RBMS3: variants seen among roughly 807,000 people sequenced by gnomAD.
The protein encoded by RBMS3 is RNA-binding motif, single-stranded-interacting protein 3.
RBMS3 carries 27 observed loss-of-function variants against 66.8 expected under a neutral mutation model. That is an observed-to-expected ratio of 0.40 (90% CI 0.30 to 0.56). RBMS3 has a LOEUF of 0.56. RBMS3 is among the 20% of genes least tolerant of loss of function. The probability of loss-of-function intolerance (pLI) is 0.40; values close to 1 mark genes in which losing one functional copy is unlikely to be tolerated. For synonymous variants in RBMS3, 188 were observed against 183.0 expected (o/e 1.03, Z -0.22); for missense variants, 513 against 549.5 (o/e 0.93, Z 0.66).
intron 1 of RBMS3, among the ~76,000 whole-genome samples, chr3:29,352,063 C>A (rs2036946670): frequency 6.6e-6 from 1 of 152,036 alleles, no homozygotes; most frequent in Admixed American, 6.6e-5. Flanking sequence ...GGTTATATTT[C>A]TGAATTCTTC....
chr3:29,911,807 A>G (rs2060521780), intron 10 of RBMS3, among the ~76,000 whole-genome samples: 2 of 152,056 alleles, frequency 1.3e-5, no homozygotes, highest in Non-Finnish European at 2.9e-5. Context: ...TCTTTTTTCT[A>G]TGTGATGAAA....
chr3:29,741,386 A>G (rs558547216), intron 5 of RBMS3, among the ~76,000 whole-genome samples: 46 of 152,332 alleles, frequency 3.0e-4, no homozygotes, highest in African/African-American at 1.1e-3. Flanking sequence ...CTCTGAATTT[A>G]GCCAATGCAG....
intron 2 of RBMS3, among the ~76,000 whole-genome samples, chr3:29,468,726 GT>G (rs555645212): frequency 6.7e-6 from 1 of 149,822 alleles, no homozygotes; most frequent in African/African-American, 2.5e-5. Flanking sequence ...TTTTCTTTTT[GT>G]TTTTTTTACT....
intron 4 of RBMS3, among the ~76,000 whole-genome samples, chr3:29,652,785 G>A (rs894867723): frequency 2.0e-5 from 3 of 152,092 alleles, no homozygotes; most frequent in African/African-American, 7.2e-5. Flanking sequence ...CAAGCCACAT[G>A]CTCTTTTGTG....
At chr3:29,842,698 A>C (rs2149506168) in intron 6 of RBMS3, among the ~76,000 whole-genome samples, 1 of 152,288 alleles carries the variant, frequency 6.6e-6, no homozygotes, top group East Asian at 1.9e-4. Context: ...AGATGGGAAG[A>C]TTACCCTGAT....
At chr3:29,340,189 A>C (rs2036203129) in intron 1 of RBMS3, among the ~76,000 whole-genome samples, 1 of 152,130 alleles carries the variant, frequency 6.6e-6, no homozygotes, top group African/African-American at 2.4e-5. Flanking sequence ...CAAAATGATA[A>C]TATGAGGCTT....
At chr3:29,968,256 C>G (rs754366540) in intron 12 of RBMS3, among the ~76,000 whole-genome samples, 27 of 152,246 alleles carry the variant, frequency 1.8e-4, no homozygotes, top group Non-Finnish European at 3.5e-4. Context: ...AAAACTTGCC[C>G]GAGGCTTTCT....
intron 3 of RBMS3, among the ~76,000 whole-genome samples, chr3:29,553,916 A>G (rs558814575): frequency 3.2e-4 from 49 of 152,144 alleles, no homozygotes; most frequent in East Asian, 2.9e-3. Context: ...TGTGGATACA[A>G]TCTCTGAATT....
chr3:29,437,240 A>T (rs2041435649), intron 2 of RBMS3, among the ~76,000 whole-genome samples: 1 of 152,220 alleles, frequency 6.6e-6, no homozygotes, highest in African/African-American at 2.4e-5. Context: ...GCTTTTTAAA[A>T]TTTTATTTTA....
intron 2 of RBMS3, among the ~76,000 whole-genome samples, chr3:29,460,065 C>T (rs1263773255): frequency 6.6e-6 from 1 of 152,174 alleles, no homozygotes; most frequent in African/African-American, 2.4e-5. Context: ...ATACATCTTG[C>T]CACACAGAAC....
intron 1 of RBMS3, among the ~76,000 whole-genome samples, chr3:29,347,299 T>C (rs1359719176): frequency 6.6e-6 from 1 of 152,234 alleles, no homozygotes; most frequent in Non-Finnish European, 1.5e-5. Flanking sequence ...ATTCTTCAAG[T>C]GCCACATAAA....
chr3:29,357,537 G>C (rs891750380), intron 1 of RBMS3, among the ~76,000 whole-genome samples: 5 of 152,196 alleles, frequency 3.3e-5, no homozygotes, highest in African/African-American at 1.2e-4. Flanking sequence ...ATAGCAGCAT[G>C]ATTTATATTC....
intron 10 of RBMS3, among the ~76,000 whole-genome samples, chr3:29,904,969 G>C (rs1042153170): frequency 2.0e-5 from 3 of 151,910 alleles, no homozygotes; most frequent in African/African-American, 7.2e-5. Context: ...TATTATCTCA[G>C]TTGACTTTAA....
intron 7 of RBMS3, among the ~76,000 whole-genome samples, chr3:29,869,180 A>C (rs543495194): frequency 6.6e-6 from 1 of 152,304 alleles, no homozygotes; most frequent in African/African-American, 2.4e-5. Flanking sequence ...CACTACAGCA[A>C]GTCTTCTGTC....
chr3:29,460,854 C>T (rs1490264643), intron 2 of RBMS3, among the ~76,000 whole-genome samples: 1 of 152,114 alleles, frequency 6.6e-6, no homozygotes, highest in African/African-American at 2.4e-5. Flanking sequence ...GTCTGATTCT[C>T]AGGAGTTATT....
At chr3:29,917,608 A>ATG (rs140834830) in intron 10 of RBMS3, among the ~76,000 whole-genome samples, 13 of 151,520 alleles carry the variant, frequency 8.6e-5, no homozygotes, top group East Asian at 3.9e-4. Flanking sequence ...AATCTCATGC[A>ATG]TGTGTGTGTG....
chr3:29,375,449 AT>A (rs1425386899), intron 1 of RBMS3, among the ~76,000 whole-genome samples: 15 of 152,198 alleles, frequency 9.9e-5, no homozygotes, highest in African/African-American at 3.4e-4. Context: ...TTTGCAGTCT[AT>A]CCATCTGACA....
chr3:29,868,989 C>T (rs1282054263), intron 7 of RBMS3, 25 bp downstream of exon 7: 1 of 1,546,098 alleles, frequency 6.5e-7, no homozygotes, highest in Admixed American at 2.0e-5. Flanking sequence ...ATAACATTTG[C>T]TCTGAAATTT....
chr3:29,313,655 C>T (rs2034508965), intron 1 of RBMS3, among the ~76,000 whole-genome samples: 1 of 151,664 alleles, frequency 6.6e-6, no homozygotes, highest in Non-Finnish European at 1.5e-5. Context: ...CATATAGGAA[C>T]AAAATCCTAC....
Sources: allele counts gnomAD v4.1 joint callset (sites outside exome capture counted in the v4.1 genomes callset), GRCh38; gene constraint gnomAD v4.1.1; transcripts MANE v1.5; gene names NCBI Gene and HGNC (gene_info 2026-07-23, HGNC 2026-07-21).